PPM1E: variants seen among roughly 807,000 people sequenced by gnomAD.
PPM1E encodes the protein protein phosphatase 1E.
In PPM1E, 20 loss-of-function variants were observed where a neutral mutation model predicts 65.9. That is an observed-to-expected ratio of 0.30 (90% CI 0.21 to 0.44). The LOEUF (loss-of-function observed/expected upper bound fraction) is 0.44, where lower values mean the gene tolerates loss of function less well. Among genes scored for constraint, PPM1E ranks in the 20% least tolerant of loss-of-function variants. PPM1E has a pLI of 1.00. For missense variants in PPM1E, 713 were observed against 953.1 expected (o/e 0.75, Z 3.32); for synonymous variants, 352 against 374.9 (o/e 0.94, Z 0.70).
intron 1 of PPM1E, among the ~76,000 whole-genome samples, chr17:58,886,659 T>C (rs889625384): frequency 6.6e-6 from 1 of 152,202 alleles, no homozygotes; most frequent in African/African-American, 2.4e-5. Flanking sequence ...ACAAGAAAGA[T>C]AAGGTCCATT....
intron 1 of PPM1E, among the ~76,000 whole-genome samples, chr17:58,925,769 G>A (rs1286571005): frequency 6.6e-6 from 1 of 151,882 alleles, no homozygotes; most frequent in Non-Finnish European, 1.5e-5. Context: ...TGTTGATTCT[G>A]GATATTGGAC....
At chr17:58,928,085 G>C (rs1307279169) in intron 1 of PPM1E, among the ~76,000 whole-genome samples, 1 of 151,534 alleles carries the variant, frequency 6.6e-6, no homozygotes, top group African/African-American at 2.4e-5. Flanking sequence ...AATTAACCAG[G>C]CATGGTGGTG....
chr17:58,837,295 TA>T (rs1375750422), intron 1 of PPM1E, among the ~76,000 whole-genome samples: 2 of 123,190 alleles, frequency 1.6e-5, no homozygotes, highest in African/African-American at 6.0e-5. Context: ...ATTCCCAGGA[TA>T]TACAACTGTC....
intron 1 of PPM1E, among the ~76,000 whole-genome samples, chr17:58,865,214 C>T (rs552556711): frequency 6.6e-6 from 1 of 151,540 alleles, no homozygotes; most frequent in Admixed American, 6.6e-5. Context: ...TGGTGAAACC[C>T]AGTCTCTACT....
chr17:58,827,901 C>CAAAAAAA (rs59217561), intron 1 of PPM1E, among the ~76,000 whole-genome samples: 17 of 113,242 alleles, frequency 1.5e-4, no homozygotes, highest in African/African-American at 4.9e-4. Flanking sequence ...GACTCCATCT[C>CAAAAAAA]AAAAAAAAAA....
intron 1 of PPM1E, among the ~76,000 whole-genome samples, chr17:58,907,390 G>A (rs984368093): frequency 6.3e-5 from 8 of 127,388 alleles, no homozygotes; most frequent in Non-Finnish European, 1.2e-4. Flanking sequence ...ATTTCTTAAT[G>A]CATGTTTTAT....
chr17:58,773,254 A>G (rs560621008), intron 1 of PPM1E, among the ~76,000 whole-genome samples: 64 of 152,284 alleles, frequency 4.2e-4, no homozygotes, highest in Non-Finnish European at 6.9e-4. Context: ...GCTGAGTAGT[A>G]TACAAGACAA....
chr17:58,825,468 AAACTT>A (rs955014662), intron 1 of PPM1E, among the ~76,000 whole-genome samples: 3 of 152,186 alleles, frequency 2.0e-5, no homozygotes, highest in Non-Finnish European at 2.9e-5. Flanking sequence ...AATTCAGAAA[AAACTT>A]AACAGTTTAG....
intron 1 of PPM1E, among the ~76,000 whole-genome samples, chr17:58,906,723 A>G (rs948408161): frequency 6.6e-6 from 1 of 151,768 alleles, no homozygotes; most frequent in Non-Finnish European, 1.5e-5. Context: ...CTTTCTTTGG[A>G]TTTAATTTGC....
At chr17:58,802,464 G>A (rs1204656792) in intron 1 of PPM1E, among the ~76,000 whole-genome samples, 1 of 152,126 alleles carries the variant, frequency 6.6e-6, no homozygotes, top group Non-Finnish European at 1.5e-5. Context: ...ATCAGGAAGT[G>A]TGATGCCTCC....
chr17:58,756,213 G>C lies in PPM1E; in HGVS notation c.216G>C (p.Thr72=), dbSNP rs1192250767. The C allele has an allele frequency of 3.9e-6, 6 of 1,555,916 alleles. No individual in the cohort carries two copies. The highest frequency in any genetic ancestry group is 5.2e-6 in the Non-Finnish European group (6 of 1,149,636). Residue 72 remains threonine, a synonymous_variant, in exon 1 of 7, where the codon ACG becomes ACC. Coordinates refer to ENST00000308249, the MANE Select transcript of PPM1E (RefSeq NM_014906.5). The part of the protein sequence containing the change: ...SVEEPGEEAA[T]VAATEEGDQE... ...AGGAACCCGGGGAGGAGGCGGCCAC[G>C]GTAGCCGCGACGGAGGAGGGGGACC...
At position 58,894,263 on chromosome 17, in the gene PPM1E, C is replaced by T. The variant is rs1160373208; in HGVS notation, c.465-61386C>T. On this transcript the variant is annotated intron_variant, in intron 1 of 6. Transcript: ENST00000308249. ...CAGCCTCCCAAGTAGCTGGGATTAA[C>T]AGGTTTGCACCACCAGACCTGGCTA... Among the ~76,000 whole-genome samples the T allele has an allele frequency of 3.3e-5, 5 of 152,086 alleles. No homozygotes were observed. In the East Asian group the frequency reaches 9.6e-4, roughly 29 times the overall value.
At chr17:58,767,256 A>C (rs968325318) in intron 1 of PPM1E, among the ~76,000 whole-genome samples, 1 of 152,194 alleles carries the variant, frequency 6.6e-6, no homozygotes, top group African/African-American at 2.4e-5. Flanking sequence ...ATAAAAATAT[A>C]TGATAAAGAT....
At chr17:58,762,590 C>G (rs903643253) in intron 1 of PPM1E, among the ~76,000 whole-genome samples, 4 of 152,058 alleles carry the variant, frequency 2.6e-5, no homozygotes, top group African/African-American at 9.7e-5. Flanking sequence ...GTATGGTCAA[C>G]ATATGTGTTT....
At chr17:58,968,682 C>T (rs750398610) in intron 3 of PPM1E, among the ~76,000 whole-genome samples, 24 of 152,132 alleles carry the variant, frequency 1.6e-4, no homozygotes, top group Non-Finnish European at 2.8e-4. Flanking sequence ...GAGTTCAGTG[C>T]GTCACAGATC....
intron 1 of PPM1E, among the ~76,000 whole-genome samples, chr17:58,939,367 G>C (rs530189303): frequency 6.6e-6 from 1 of 152,314 alleles, no homozygotes; most frequent in African/African-American, 2.4e-5. Flanking sequence ...GGAAAGAACA[G>C]TCAGAACATT....
intron 1 of PPM1E, among the ~76,000 whole-genome samples, chr17:58,811,837 A>C (rs2050371506): frequency 6.6e-6 from 1 of 151,958 alleles, no homozygotes; most frequent in Admixed American, 6.6e-5. Flanking sequence ...TGCCCAGATA[A>C]TTTTTGTATT....
At chr17:58,937,594 C>T (rs1362447082) in intron 1 of PPM1E, among the ~76,000 whole-genome samples, 1 of 144,910 alleles carries the variant, frequency 6.9e-6, no homozygotes, top group Non-Finnish European at 1.5e-5. Flanking sequence ...GACATGCCTA[C>T]GGCCGGGTGT....
chr17:58,983,084 C>G lies in PPM1E; in HGVS notation c.*2053C>G, dbSNP rs2031464622. ...TAAAGGGAAAAAGTTACTACACATG[C>G]TAGGCTTTCTCAGTGGGGAAAAAAA... On this transcript the variant is annotated 3_prime_UTR_variant, in exon 7 of 7. Coordinates refer to ENST00000308249, the MANE Select transcript of PPM1E (RefSeq NM_014906.5). 12 of 603,024 alleles carry G rather than the reference C, an allele frequency of 2.0e-5. No homozygotes were observed. The South Asian group carries it at 2.6e-4, about 13-fold the overall frequency. The allele number at this position is 603,024 out of a possible 1,614,324, so 37.4% of individuals were successfully genotyped here. A position where few individuals can be genotyped will look rare whatever the true frequency, so the allele number is the denominator to read the frequency against.
Sources: gnomAD v4.1 joint callset for allele counts (sites outside exome capture counted in the v4.1 genomes callset) on GRCh38, gnomAD v4.1.1 for gene constraint, MANE v1.5 for transcripts, NCBI Gene and HGNC (gene_info 2026-07-23, HGNC 2026-07-21) for gene names.